Variants in FAM135A observed in about 807,000 individuals in gnomAD.
FAM135A encodes the protein protein FAM135A.
A neutral mutation model predicts 146.8 loss-of-function variants in FAM135A; 79 were observed. The observed-to-expected ratio is 0.54, with a 90% confidence interval of 0.45 to 0.65. The LOEUF (loss-of-function observed/expected upper bound fraction) is 0.65. FAM135A is among the 30% of genes least tolerant of loss of function. The pLI, the probability that FAM135A is intolerant of heterozygous loss-of-function variation, is 0.00. For synonymous variants in FAM135A, 562 were observed against 603.6 expected, an observed-to-expected ratio of 0.93 and a Z score of 1.01; for missense variants, 1,623 against 1,758.2, an observed-to-expected ratio of 0.92 and a Z score of 1.38.
intron 16 of FAM135A, among the ~76,000 whole-genome samples, chr6:70,532,070 G>A (rs1005406959): frequency 6.6e-6 from 1 of 151,168 alleles, no homozygotes; most frequent in Non-Finnish European, 1.5e-5. Context: ...TTTTAGTAGG[G>A]TTTCACTGTG....
intron 11 of FAM135A, among the ~76,000 whole-genome samples, chr6:70,502,006 G>A (rs1316837297): frequency 1.3e-5 from 2 of 152,110 alleles, no homozygotes; most frequent in East Asian, 3.9e-4. Flanking sequence ...ATTAATTTTT[G>A]TATCTCTAGA....
intron 4 of FAM135A, among the ~76,000 whole-genome samples, chr6:70,428,931 A>G (rs572302683): frequency 7.2e-5 from 11 of 152,334 alleles, no homozygotes; most frequent in African/African-American, 2.4e-4. Flanking sequence ...CGAAAACACT[A>G]AAACAATAAT....
chr6:70,536,295 G>A lies in FAM135A; in HGVS notation c.4001G>A (p.Arg1334His), dbSNP rs1043628891. 4 of 1,610,324 alleles carry A rather than the reference G, an allele frequency of 2.5e-6. No individual in the cohort carries two copies. The highest frequency in any genetic ancestry group is 1.1e-5 in the South Asian group (1 of 90,204). ...CATTCGTTGGGCAATTTAATAATTC[G>A]TTCAGTGCTTACAAGGCCAAGGTTT... ...IGHSLGNLII[R>H]SVLTRPRFKY... Residue 1334 changes from arginine to histidine, a missense_variant, in exon 19 of 22, where the codon CGT (arginine) becomes CAT (histidine). This residue lies in a region of FAM135A where 1,061 missense variants were observed against 1,113.8 expected (regional missense o/e 0.95). Transcript: ENST00000418814.
chr6:70,448,828 C>A (rs531734618), intron 4 of FAM135A, among the ~76,000 whole-genome samples: 12 of 152,228 alleles, frequency 7.9e-5, no homozygotes, highest in Non-Finnish European at 1.6e-4. Flanking sequence ...GGAGCATGTC[C>A]TTAAGGCACA....
intron 4 of FAM135A, among the ~76,000 whole-genome samples, chr6:70,430,790 A>G (rs1374682133): frequency 6.6e-6 from 1 of 152,356 alleles, no homozygotes; most frequent in African/African-American, 2.4e-5. Flanking sequence ...CAGATGAAAC[A>G]GTTTTATTTT....
At chr6:70,492,084 A>T (rs1786108588) in intron 11 of FAM135A, among the ~76,000 whole-genome samples, 1 of 151,890 alleles carries the variant, frequency 6.6e-6, no homozygotes, top group Non-Finnish European at 1.5e-5. Context: ...AAAATAATGT[A>T]ATTTTTAAAT....
intron 2 of FAM135A, among the ~76,000 whole-genome samples, chr6:70,418,136 T>C (rs1376906023): frequency 1.3e-5 from 2 of 152,160 alleles, no homozygotes; most frequent in Non-Finnish European, 2.9e-5. Flanking sequence ...GGATTTTCCT[T>C]ACTTTGTGCC....
intron 12 of FAM135A, among the ~76,000 whole-genome samples, chr6:70,521,884 G>T (rs1436101752): frequency 6.6e-6 from 1 of 152,158 alleles, no homozygotes; most frequent in African/African-American, 2.4e-5. Context: ...TTGTGGGGAT[G>T]CAAAGGTCAT....
At chr6:70,523,208 TG>T (rs1793986618) in intron 13 of FAM135A, among the ~76,000 whole-genome samples, 1 of 152,176 alleles carries the variant, frequency 6.6e-6, no homozygotes, top group Non-Finnish European at 1.5e-5. Context: ...TGTGCTGGAT[TG>T]GGAAGACATG....
chr6:70,501,932 A>G (rs1788657561), intron 11 of FAM135A, among the ~76,000 whole-genome samples: 1 of 152,190 alleles, frequency 6.6e-6, no homozygotes, highest in Admixed American at 6.5e-5. Flanking sequence ...ATGTCCTAAT[A>G]ACAGTATTTT....
chr6:70,437,651 T>A (rs1407367608), intron 4 of FAM135A, among the ~76,000 whole-genome samples: 2 of 152,146 alleles, frequency 1.3e-5, no homozygotes, highest in Non-Finnish European at 2.9e-5. Context: ...TTCCATTTAC[T>A]TATTCTGAAT....
chr6:70,530,363 T>C (rs188095611), intron 16 of FAM135A, among the ~76,000 whole-genome samples: 58 of 152,270 alleles, frequency 3.8e-4, no homozygotes, highest in Middle Eastern at 3.4e-3. Context: ...AGAAAACTTA[T>C]AGTTTTTGGT....
chr6:70,546,096 T>C (rs1033314817), intron 20 of FAM135A, among the ~76,000 whole-genome samples: 1 of 151,998 alleles, frequency 6.6e-6, no homozygotes, highest in African/African-American at 2.4e-5. Flanking sequence ...GAGAAATGAG[T>C]AGTCCATCCC....
chr6:70,501,260 GC>G (rs70990312), intron 11 of FAM135A, among the ~76,000 whole-genome samples: 21,021 of 152,052 alleles, frequency 0.14, 1,853 homozygotes, highest in Middle Eastern at 0.22. Flanking sequence ...GGTGAGTTCT[GC>G]CCAGTCTAAA....
intron 5 of FAM135A, among the ~76,000 whole-genome samples, chr6:70,461,700 C>T (rs1779483677): frequency 6.6e-6 from 1 of 152,084 alleles, no homozygotes; most frequent in Non-Finnish European, 1.5e-5. Flanking sequence ...TTATATAATA[C>T]CTCATGGAAA....
intron 2 of FAM135A, among the ~76,000 whole-genome samples, chr6:70,424,925 C>G (rs1769705442): frequency 6.6e-6 from 1 of 152,028 alleles, no homozygotes; most frequent in Non-Finnish European, 1.5e-5. Context: ...AATTACTAAG[C>G]TAGTACCACG....
intron 4 of FAM135A, among the ~76,000 whole-genome samples, chr6:70,446,467 A>G (rs1775780483): frequency 6.6e-6 from 1 of 152,196 alleles, no homozygotes; most frequent in South Asian, 2.1e-4. Context: ...ATCAATAATG[A>G]TTCCATAGGA....
At chr6:70,481,063 T>C in intron 9 of FAM135A, 36 bp downstream of exon 9, 1 of 1,503,888 alleles carries the variant, frequency 6.6e-7, no homozygotes, top group Non-Finnish European at 8.9e-7. Context: ...CTTCTCCTTA[T>C]TTTAAAAGAA....
rs574340860 is a variant in FAM135A at position 70,512,553 on chromosome 6, G to C, written c.1029+9762G>C. On this transcript the variant is annotated intron_variant, in intron 12 of 21. Transcript: ENST00000418814. ...CGTCAGTCTTTAACTACTATAGTAGGGGTAAAGTGGAATTTCATTATGGCT... is the reference window on the plus strand; with the variant it reads ...CGTCAGTCTTTAACTACTATAGTAGCGGTAAAGTGGAATTTCATTATGGCT... Among the ~76,000 whole-genome samples, 9 of 151,806 alleles carry C rather than the reference G, an allele frequency of 5.9e-5. No individual in the cohort carries two copies. In the South Asian group the frequency reaches 1.5e-3, roughly 25 times the overall value.
Sources: allele counts gnomAD v4.1 joint callset (sites outside exome capture counted in the v4.1 genomes callset), GRCh38; gene constraint gnomAD v4.1.1; regional missense constraint gnomAD v4.1.1; transcripts MANE v1.5; gene names NCBI Gene and HGNC (gene_info 2026-07-23, HGNC 2026-07-21).